SLC16A10: variants seen among roughly 807,000 people sequenced by gnomAD.
The protein encoded by SLC16A10 is monocarboxylate transporter 10.
SLC16A10 carries 27 observed loss-of-function variants against 40.0 expected under a neutral mutation model. The observed-to-expected ratio is 0.67, with a 90% CI of 0.50 to 0.93. The LOEUF (loss-of-function observed/expected upper bound fraction) is 0.93. Among genes scored for constraint, SLC16A10 ranks in the 40% least tolerant of loss-of-function variants. SLC16A10 has a pLI of 0.00. For synonymous variants in SLC16A10, 213 were observed against 249.8 expected, an observed-to-expected ratio of 0.85 and a Z score of 1.39; for missense variants, 529 against 658.2, an observed-to-expected ratio of 0.80 and a Z score of 2.15.
intron 1 of SLC16A10, among the ~76,000 whole-genome samples, chr6:111,134,990 C>T (rs886949433): frequency 5.3e-5 from 8 of 152,214 alleles, no homozygotes; most frequent in Admixed American, 3.3e-4. Context: ...ATATCTGTCA[C>T]TATCCCAGGA....
intron 3 of SLC16A10, among the ~76,000 whole-genome samples, chr6:111,193,072 C>G (rs1353954403): frequency 6.6e-6 from 1 of 152,140 alleles, no homozygotes; most frequent in East Asian, 1.9e-4. Flanking sequence ...AGGCTAGTCT[C>G]AAACTCCTGG....
chr6:111,122,107 G>T (rs1771594509), intron 1 of SLC16A10, among the ~76,000 whole-genome samples: 1 of 152,188 alleles, frequency 6.6e-6, no homozygotes, highest in Non-Finnish European at 1.5e-5. Context: ...GCTGGGTCCT[G>T]GGTACAAGCT....
At chr6:111,171,276 G>C (rs1020471194) in intron 1 of SLC16A10, among the ~76,000 whole-genome samples, 1 of 152,180 alleles carries the variant, frequency 6.6e-6, no homozygotes, top group Non-Finnish European at 1.5e-5. Context: ...CACCATCTAA[G>C]TCAAGATGAC....
In SLC16A10 at chr6:111,219,020, G is replaced by C. The variant is rs1187469522; in HGVS notation, c.1293G>C (p.Met431Ile). The C allele has an allele frequency of 6.2e-7, 1 of 1,614,122 alleles. No homozygotes were observed. The highest frequency in any genetic ancestry group is 1.3e-5 in the African/African-American group (1 of 75,030). Residue 431 changes from methionine (M) to isoleucine (I), a missense_variant, in exon 5 of 6, where the codon ATG becomes ATC. Met to Ile is a conservative substitution (Grantham distance 10, BLOSUM62 1). Coordinates refer to ENST00000368851, the MANE Select transcript of SLC16A10 (RefSeq NM_018593.5). ...TGCTCGGATTCATGTCTATACCCAT[G>C]ACTGTTGGCCCACCCATTGCAGGTA... ...GFLLGFMSIP[M>I]TVGPPIAGLL... is the part of the protein sequence containing the mutation.
intron 1 of SLC16A10, 27 bp from the exon 2 acceptor site, chr6:111,172,668 C>T: frequency 1.2e-6 from 2 of 1,602,662 alleles, no homozygotes; most frequent in Non-Finnish European, 1.7e-6. Context: ...TGTCATAATT[C>T]CCCCCACGCT....
intron 1 of SLC16A10, among the ~76,000 whole-genome samples, chr6:111,096,074 C>T (rs1247537685): frequency 6.6e-6 from 1 of 152,148 alleles, no homozygotes; most frequent in Non-Finnish European, 1.5e-5. Flanking sequence ...TTAAGTTGAA[C>T]TTAAGAGCAG....
At chr6:111,154,800 C>T (rs1047683436) in intron 1 of SLC16A10, among the ~76,000 whole-genome samples, 2 of 152,032 alleles carry the variant, frequency 1.3e-5, no homozygotes, top group African/African-American at 4.8e-5. Flanking sequence ...CGAGACCAGC[C>T]TGGCCAACAT....
intron 4 of SLC16A10, among the ~76,000 whole-genome samples, chr6:111,216,790 G>A (rs183724071): frequency 6.6e-6 from 1 of 152,050 alleles, no homozygotes; most frequent in Admixed American, 6.5e-5. Flanking sequence ...AAAATGTACC[G>A]AACTGTATGA....
At chr6:111,146,272 TA>T (rs1482623019) in intron 1 of SLC16A10, among the ~76,000 whole-genome samples, 1 of 151,960 alleles carries the variant, frequency 6.6e-6, no homozygotes, top group Non-Finnish European at 1.5e-5. Context: ...ATGGCTAAAA[TA>T]AAAAAAGATG....
chr6:111,166,231 C>A (rs1486912290), intron 1 of SLC16A10, among the ~76,000 whole-genome samples: 1 of 146,786 alleles, frequency 6.8e-6, no homozygotes, highest in East Asian at 1.9e-4. Flanking sequence ...AGAAAGAGGC[C>A]AGAAGTCTGA....
intron 3 of SLC16A10, among the ~76,000 whole-genome samples, chr6:111,198,609 G>A (rs1354389683): frequency 6.6e-6 from 1 of 152,186 alleles, no homozygotes; most frequent in Non-Finnish European, 1.5e-5. Flanking sequence ...GTAACACATG[G>A]TATTTGTGTA....
At chr6:111,156,520 C>A (rs1261982947) in intron 1 of SLC16A10, among the ~76,000 whole-genome samples, 2 of 152,200 alleles carry the variant, frequency 1.3e-5, no homozygotes, top group Non-Finnish European at 2.9e-5. Context: ...CTAGACTAAT[C>A]ATGGGAAGAA....
chr6:111,096,181 C>T (rs1191706026), intron 1 of SLC16A10, among the ~76,000 whole-genome samples: 2 of 152,226 alleles, frequency 1.3e-5, no homozygotes, highest in Non-Finnish European at 2.9e-5. Flanking sequence ...TACATATTTA[C>T]TTGCATGTTC....
At chr6:111,139,514 A>G (rs1454540073) in intron 1 of SLC16A10, among the ~76,000 whole-genome samples, 1 of 152,082 alleles carries the variant, frequency 6.6e-6, no homozygotes, top group South Asian at 2.1e-4. Context: ...GTTGGCCAGG[A>G]TGGTCTCAAT....
intron 3 of SLC16A10, among the ~76,000 whole-genome samples, chr6:111,192,713 G>A (rs1161785012): frequency 6.6e-6 from 1 of 152,196 alleles, no homozygotes; most frequent in Non-Finnish European, 1.5e-5. Context: ...CACAATCATG[G>A]TGGAAGGTGG....
rs1317282486 is a variant in SLC16A10, at chr6:111,228,234, T to C, written c.*5999T>C. On this transcript the variant is annotated 3_prime_UTR_variant, in exon 6 of 6. Transcript: ENST00000368851. ...TGGCAAGAGGGTAGATGATCAGTGA[T>C]GACAGATTGTACAGCTGTGCCCAAA... 1.3e-5 allele frequency: 2 copies of C among 152,216 alleles called. No homozygotes were observed. The highest frequency in any genetic ancestry group is 4.8e-5 in the African/African-American group (2 of 41,466). 9.4% of individuals were successfully genotyped at this position (152,216 alleles called of 1,614,324 possible). A position where few individuals can be genotyped will look rare whatever the true frequency, so the allele number is the denominator to read the frequency against.
At chr6:111,135,381 A>G (rs1771859750) in intron 1 of SLC16A10, among the ~76,000 whole-genome samples, 1 of 152,354 alleles carries the variant, frequency 6.6e-6, no homozygotes, top group East Asian at 1.9e-4. Context: ...TAGTAAAAGC[A>G]TGCAGTAGCC....
At chr6:111,143,807 C>T (rs1338614681) in intron 1 of SLC16A10, among the ~76,000 whole-genome samples, 1 of 151,990 alleles carries the variant, frequency 6.6e-6, no homozygotes, top group Non-Finnish European at 1.5e-5. Flanking sequence ...TCTATAATAC[C>T]AACAGTGAAC....
At position 111,172,849 on chromosome 6, in the gene SLC16A10, T is replaced by C; in HGVS notation, c.488+10T>C. ...CCAGTTCTTTTGTAAGGTAAGGACT[T>C]GGTTTTTTCATGTTGCTTTTTAAAA... On this transcript the variant is annotated intron_variant, in intron 2 of 5. Transcript: ENST00000368851. 2 of 1,610,782 alleles carry C rather than the reference T, an allele frequency of 1.2e-6. No individual in the cohort carries two copies. The highest frequency in any genetic ancestry group is 1.1e-5 in the South Asian group (1 of 90,324).
Sources: gnomAD v4.1 joint callset for allele counts (sites outside exome capture counted in the v4.1 genomes callset) on GRCh38, gnomAD v4.1.1 for gene constraint, MANE v1.5 for transcripts, NCBI Gene and HGNC (gene_info 2026-07-23, HGNC 2026-07-21) for gene names.